The following MON2 variants were observed in gnomAD, a reference collection of about 807,000 sequenced individuals.
MON2 encodes protein MON2 homolog.
In MON2, 84 loss-of-function variants were observed where a neutral mutation model predicts 208.6. The observed-to-expected ratio is 0.40, with a 90% CI of 0.34 to 0.48. The LOEUF (loss-of-function observed/expected upper bound fraction) is 0.48, where lower values mean the gene tolerates loss of function less well. Ranked by LOEUF, MON2 falls within the 20% of genes least tolerant of loss-of-function variation. MON2 has a pLI of 0.59. For synonymous variants in MON2, 660 were observed against 694.0 expected (o/e 0.95, Z 0.77); for missense variants, 1,611 against 2,015.4 (o/e 0.80, Z 3.84).
intron 23 of MON2, among the ~76,000 whole-genome samples, chr12:62,550,905 CTTTCTTTTTTT>C (rs1480504570): frequency 3.0e-4 from 35 of 118,384 alleles, no homozygotes; most frequent in Middle Eastern, 4.4e-3. Context: ...TTTCTTCTTT[CTTTCTTTTTTT>C]TTTTTTTTTT....
rs1243474423 is a variant in MON2 at position 62,590,949 on chromosome 12, C to G, written c.4991-1637C>G. On this transcript the variant is annotated intron_variant, in intron 34 of 34. Transcript: ENST00000393630. Reference sequence around the variant, plus strand: ...GAATTACAGGCGTGAGCCACCACGCCAGCCTAAAACATATTTTAATTTAAG... The same window carrying G: ...GAATTACAGGCGTGAGCCACCACGCGAGCCTAAAACATATTTTAATTTAAG... Among the ~76,000 whole-genome samples the G allele has an allele frequency of 2.6e-5, 4 of 152,220 alleles. No homozygotes were observed. The East Asian group carries it at 7.7e-4, about 29-fold the overall frequency.
In MON2 at chr12:62,466,954, G is replaced by A. The variant is rs1055781967; in HGVS notation, c.-254G>A. On this transcript the variant is annotated 5_prime_UTR_variant, in exon 1 of 35. Transcript: ENST00000393630. ...AGCGGAGGGACCTGCCCGCCTTGTGGGTTTCTCGGCCAGAGTCGGCGGAGC... is the reference window on the plus strand; with the variant it reads ...AGCGGAGGGACCTGCCCGCCTTGTGAGTTTCTCGGCCAGAGTCGGCGGAGC... The A allele has an allele frequency of 1.9e-6, 1 of 522,092 alleles. No homozygotes were observed. The highest frequency in any genetic ancestry group is 2.0e-5 in the African/African-American group (1 of 50,552). 32.3% of individuals were successfully genotyped at this position (522,092 alleles called of 1,614,324 possible).
intron 19 of MON2, among the ~76,000 whole-genome samples, chr12:62,542,722 T>A (rs1256411441): frequency 6.6e-6 from 1 of 152,178 alleles, no homozygotes; most frequent in East Asian, 1.9e-4. Context: ...TTATCTCTGT[T>A]GTCTCTTTTT....
intron 2 of MON2, among the ~76,000 whole-genome samples, chr12:62,487,495 AT>A (rs2069872546): frequency 6.6e-6 from 1 of 152,006 alleles, no homozygotes; most frequent in Admixed American, 6.5e-5. Context: ...TACATAAAGA[AT>A]TTTTACATAA....
At chr12:62,486,097 G>A (rs901564080) in intron 2 of MON2, among the ~76,000 whole-genome samples, 4 of 152,116 alleles carry the variant, frequency 2.6e-5, no homozygotes, top group African/African-American at 9.7e-5. Context: ...ATATTTTTAT[G>A]TTGGAGACTT....
chr12:62,507,341 G>A (rs1328582231), intron 7 of MON2, among the ~76,000 whole-genome samples: 4 of 149,140 alleles, frequency 2.7e-5, no homozygotes, highest in Admixed American at 6.7e-5. Flanking sequence ...TGTGAGATAG[G>A]GTCTTGCTCC....
In MON2 at chr12:62,565,415, T is replaced by C. The variant is rs754969772; in HGVS notation, c.4176+35T>C. The C allele has an allele frequency of 1.1e-5, 17 of 1,539,736 alleles. No homozygotes were observed. The South Asian group carries it at 2.0e-4, about 18-fold the overall frequency. On this transcript the variant is annotated intron_variant, in intron 27 of 34. Transcript: ENST00000393630. ...TGTAAATTTTATTTACTTTGTAAGA[T>C]TTCATGGCTTATAAATACAGATAGT...
intron 33 of MON2, among the ~76,000 whole-genome samples, chr12:62,586,202 G>C (rs190844308): frequency 8.5e-5 from 13 of 152,242 alleles, no homozygotes; most frequent in Non-Finnish European, 2.9e-5. Flanking sequence ...AAATAACATG[G>C]GAAAACAAAG....
At chr12:62,492,412 C>G (rs1473434552) in intron 2 of MON2, among the ~76,000 whole-genome samples, 1 of 143,216 alleles carries the variant, frequency 7.0e-6, no homozygotes, top group Non-Finnish European at 1.5e-5. Context: ...TCGCCCAGGC[C>G]GGACTGCGGA....
intron 1 of MON2, among the ~76,000 whole-genome samples, chr12:62,476,820 A>G (rs770637506): frequency 6.6e-6 from 1 of 152,196 alleles, no homozygotes; most frequent in Non-Finnish European, 1.5e-5. Flanking sequence ...CTTAATATCC[A>G]GGTTTTATTC....
At chr12:62,524,955 T>A (rs930290672) in intron 9 of MON2, 129 bp from the exon 10 acceptor site, 16 of 842,022 alleles carry the variant, frequency 1.9e-5, no homozygotes, top group African/African-American at 1.9e-4. Flanking sequence ...GTAAAATTAC[T>A]GAGTTGTAAT....
intron 26 of MON2, 63 bp downstream of exon 26, chr12:62,561,176 C>T (rs1392063898): frequency 7.2e-7 from 1 of 1,380,032 alleles, no homozygotes; most frequent in East Asian, 2.3e-5. Context: ...TTTTATTTTG[C>T]TATATATTTG....
In MON2 at chr12:62,538,072, TTTGA is replaced by T. The variant is rs764982208; in HGVS notation, c.2119-21_2119-18del. On this transcript the variant is annotated intron_variant, in intron 16 of 34. Transcript: ENST00000393630. Reference sequence around the variant, plus strand: ...TTTATACTTTTGTAAAGTTATTTGTTTTGATTTTTTTTTAATTTTACAGCATCTT... The same window carrying T: ...TTTATACTTTTGTAAAGTTATTTGTTTTTTTTTTTAATTTTACAGCATCTT... 3.0e-5 allele frequency: 44 copies of T among 1,482,486 alleles called. No individual in the cohort carries two copies. The highest frequency in any genetic ancestry group is 9.6e-5 in the East Asian group (4 of 41,488). 91.8% of individuals were successfully genotyped at this position (1,482,486 alleles called of 1,614,324 possible).
intron 11 of MON2, among the ~76,000 whole-genome samples, chr12:62,526,609 A>T (rs1435916854): frequency 6.6e-6 from 1 of 152,168 alleles, no homozygotes; most frequent in African/African-American, 2.4e-5. Context: ...TAATTAATTA[A>T]AAAGTGTTTA....
chr12:62,475,908 G>A (rs571981840), intron 1 of MON2, among the ~76,000 whole-genome samples: 1 of 151,994 alleles, frequency 6.6e-6, no homozygotes, highest in Admixed American at 6.5e-5. Context: ...CTACTCGGGA[G>A]GCTGAGGCAG....
At chr12:62,519,795 A>C (rs1051340154) in intron 8 of MON2, among the ~76,000 whole-genome samples, 1 of 152,180 alleles carries the variant, frequency 6.6e-6, no homozygotes. Flanking sequence ...CTTTGATACT[A>C]TACCAAACGG....
Position 62,537,247 on chromosome 12 carries a change from C to T in MON2, c.1997C>T (p.Pro666Leu). Residue 666 changes from proline to leucine, a missense_variant, in exon 15 of 35, where the codon CCT becomes CTT. Transcript: ENST00000393630. ...VAVGQPLAVQ[P>L]QGTVMLTSKN... ...GTGGGTCAACCTTTAGCAGTCCAGCCTCAAGGGACAGTAATGGTAATGTAC... is the reference window on the plus strand; with the variant it reads ...GTGGGTCAACCTTTAGCAGTCCAGCTTCAAGGGACAGTAATGGTAATGTAC... The T allele has an allele frequency of 6.2e-7, 1 of 1,607,542 alleles. No individual in the cohort carries two copies. Among genetic ancestry groups the T allele is most frequent in the Non-Finnish European group, 8.5e-7 (1 of 1,174,450 alleles).
intron 8 of MON2, among the ~76,000 whole-genome samples, chr12:62,515,306 TAAA>T (rs778516882): frequency 3.9e-4 from 59 of 152,260 alleles, no homozygotes; most frequent in Admixed American, 2.6e-3. Flanking sequence ...CATTCAGCCT[TAAA>T]GAAGGAAATC....
At chr12:62,484,281 TAGTAAA>T (rs1160348663) in intron 2 of MON2, 48 bp downstream of exon 2, 1 of 1,179,426 alleles carries the variant, frequency 8.5e-7, no homozygotes. Flanking sequence ...ATTTGACTAA[TAGTAAA>T]AGTAGAATCT....
Sources: gnomAD v4.1 joint callset for allele counts (sites outside exome capture counted in the v4.1 genomes callset) on GRCh38, gnomAD v4.1.1 for gene constraint, MANE v1.5 for transcripts, NCBI Gene and HGNC (gene_info 2026-07-23, HGNC 2026-07-21) for gene names.